Variants in SRRM4 observed in about 807,000 individuals in gnomAD.
SRRM4 encodes the protein serine/arginine repetitive matrix protein 4.
SRRM4 carries 33 observed loss-of-function variants against 68.9 expected under a neutral mutation model. The ratio of observed to expected loss-of-function variants is 0.48; its 90% CI spans 0.36 to 0.64. The LOEUF is 0.64. Among genes scored for constraint, SRRM4 ranks in the 30% least tolerant of loss-of-function variants. The pLI is 0.00. For missense variants in SRRM4, 817 were observed against 827.1 expected, an observed-to-expected ratio of 0.99 and a Z score of 0.15; for synonymous variants, 318 against 318.8, an observed-to-expected ratio of 1.00 and a Z score of 0.03.
intron 2 of SRRM4, among the ~76,000 whole-genome samples, chr12:119,109,778 G>T (rs539649702): frequency 2.0e-5 from 3 of 152,010 alleles, no homozygotes; most frequent in African/African-American, 7.2e-5. Flanking sequence ...CTCCTTTAGC[G>T]CAGAGAAGTT....
rs148854377 is a variant in SRRM4 at position 119,047,491 on chromosome 12, C to A, written c.132-54745C>A. Among the ~76,000 whole-genome samples, 1,333 of 152,236 alleles carry A rather than the reference C, an allele frequency of 8.8e-3. 20 individuals are homozygous for A. Among genetic ancestry groups the A allele is most frequent in the African/African-American group, 0.03 (1,261 of 41,538 alleles). Reference sequence around the variant, plus strand: ...CTTTTATCCCTCACCCTCCTCCCACCCTTTTTCCCCAAGTCCCCAAAGTCC... The same window carrying A: ...CTTTTATCCCTCACCCTCCTCCCACACTTTTTCCCCAAGTCCCCAAAGTCC... On this transcript the variant is annotated intron_variant, in intron 1 of 12. Coordinates refer to ENST00000267260, the MANE Select transcript of SRRM4 (RefSeq NM_194286.4).
chr12:119,153,405 G>A (rs1246086867), intron 10 of SRRM4, 134 bp from the exon 11 acceptor site: 8 of 614,606 alleles, frequency 1.3e-5, no homozygotes, highest in Non-Finnish European at 2.0e-5. Flanking sequence ...TTTGATCGGG[G>A]CCCAGTTCCT....
chr12:118,982,955 C>G (rs1953259801), intron 1 of SRRM4, among the ~76,000 whole-genome samples: 1 of 152,008 alleles, frequency 6.6e-6, no homozygotes. Context: ...CAGGGAAAAT[C>G]AAGGTAGTAT....
At chr12:119,029,865 A>G (rs1260250237) in intron 1 of SRRM4, among the ~76,000 whole-genome samples, 1 of 152,188 alleles carries the variant, frequency 6.6e-6, no homozygotes, top group Non-Finnish European at 1.5e-5. Flanking sequence ...GGCAGACAGC[A>G]CCAGGTAAAT....
chr12:119,003,265 C>A (rs1953396746), intron 1 of SRRM4, among the ~76,000 whole-genome samples: 1 of 151,682 alleles, frequency 6.6e-6, no homozygotes, highest in Non-Finnish European at 1.5e-5. Context: ...TCTCTACCCC[C>A]TCCCCATCCC....
intron 1 of SRRM4, among the ~76,000 whole-genome samples, chr12:119,050,190 C>G (rs1594044263): frequency 6.6e-6 from 1 of 152,194 alleles, no homozygotes; most frequent in Non-Finnish European, 1.5e-5. Flanking sequence ...TTATTAAGCA[C>G]ATACTCTGTG....
At chr12:119,106,315 C>T (rs1360657637) in intron 2 of SRRM4, among the ~76,000 whole-genome samples, 7 of 152,122 alleles carry the variant, frequency 4.6e-5, no homozygotes, top group Non-Finnish European at 1.0e-4. Flanking sequence ...TCCATATGAA[C>T]TTTAAAGTAG....
chr12:119,074,028 A>G (rs1953894084), intron 1 of SRRM4, among the ~76,000 whole-genome samples: 1 of 152,170 alleles, frequency 6.6e-6, no homozygotes. Flanking sequence ...GTGTTTTTAA[A>G]AGAGCCTGGC....
intron 3 of SRRM4, among the ~76,000 whole-genome samples, chr12:119,116,286 G>A (rs1954179254): frequency 6.6e-6 from 1 of 152,186 alleles, no homozygotes; most frequent in Admixed American, 6.5e-5. Flanking sequence ...CCTCAGTCTT[G>A]AGTCATCACC....
chr12:119,012,899 A>G (rs943970349), intron 1 of SRRM4, among the ~76,000 whole-genome samples: 28 of 152,016 alleles, frequency 1.8e-4, no homozygotes, highest in African/African-American at 6.8e-4. Flanking sequence ...AGACCCAATT[A>G]CCCTCTAAAC....
chr12:119,143,834 G>A (rs368417216), intron 8 of SRRM4, among the ~76,000 whole-genome samples: 40 of 152,166 alleles, frequency 2.6e-4, no homozygotes, highest in East Asian at 7.7e-4. Flanking sequence ...TGGTTAAGGC[G>A]GGCAGCAGTC....
chr12:118,996,652 C>A (rs2135991475), intron 1 of SRRM4, among the ~76,000 whole-genome samples: 1 of 152,324 alleles, frequency 6.6e-6, no homozygotes, highest in East Asian at 1.9e-4. Context: ...TCACTGAATT[C>A]TCACCTCAAC....
At chr12:119,144,049 G>A (rs58816345) in intron 8 of SRRM4, among the ~76,000 whole-genome samples, 9,163 of 152,028 alleles carry the variant, frequency 0.06, 682 homozygotes, top group African/African-American at 0.17. Flanking sequence ...TTCTAAACGC[G>A]TGCCCGCCTT....
chr12:119,006,741 G>A (rs967458734), intron 1 of SRRM4, among the ~76,000 whole-genome samples: 45 of 152,338 alleles, frequency 3.0e-4, no homozygotes, highest in Admixed American at 8.5e-4. Flanking sequence ...GCTGTGCAAT[G>A]GGAAATACCA....
chr12:119,045,745 GA>G (rs1953703372), intron 1 of SRRM4, among the ~76,000 whole-genome samples: 1 of 152,056 alleles, frequency 6.6e-6, no homozygotes, highest in Non-Finnish European at 1.5e-5. Flanking sequence ...TTTTTATAAA[GA>G]AAATAATTAG....
intron 6 of SRRM4, among the ~76,000 whole-genome samples, chr12:119,122,714 C>CTA (rs1555220019): frequency 1.3e-5 from 2 of 151,980 alleles, no homozygotes; most frequent in Non-Finnish European, 2.9e-5. Flanking sequence ...ATTCTATGCA[C>CTA]TGTGTGTGTG....
chr12:119,027,867 T>C (rs1953559171), intron 1 of SRRM4, among the ~76,000 whole-genome samples: 1 of 152,240 alleles, frequency 6.6e-6, no homozygotes, highest in Non-Finnish European at 1.5e-5. Flanking sequence ...TCGGGGCCTG[T>C]ACTTTTATAA....
intron 1 of SRRM4, among the ~76,000 whole-genome samples, chr12:119,025,911 G>A (rs1206422031): frequency 6.6e-6 from 1 of 152,082 alleles, no homozygotes; most frequent in East Asian, 1.9e-4. Context: ...GAAAGGTTTG[G>A]CAAGGCACTT....
chr12:118,990,265 T>C (rs1015243103), intron 1 of SRRM4, among the ~76,000 whole-genome samples: 5 of 151,860 alleles, frequency 3.3e-5, no homozygotes, highest in Admixed American at 2.0e-4. Context: ...GAGGAAAAAA[T>C]GGTATCACAG....
Sources: gnomAD v4.1 joint callset for allele counts (sites outside exome capture counted in the v4.1 genomes callset) on GRCh38, gnomAD v4.1.1 for gene constraint, MANE v1.5 for transcripts, NCBI Gene and HGNC (gene_info 2026-07-23, HGNC 2026-07-21) for gene names.